TRPC7: variants seen among roughly 807,000 people sequenced by gnomAD.
The protein encoded by TRPC7 is transient receptor potential cation channel subfamily C member 7, also known as short transient receptor potential channel 7.
TRPC7 carries 42 observed loss-of-function variants against 90.1 expected under a neutral mutation model. That is an observed-to-expected ratio of 0.47 (90% CI 0.36 to 0.60). The LOEUF (loss-of-function observed/expected upper bound fraction) is 0.60, where lower values mean the gene tolerates loss of function less well. Among genes scored for constraint, TRPC7 ranks in the 20% least tolerant of loss-of-function variants. The pLI is 0.00. For synonymous variants in TRPC7, 451 were observed against 436.3 expected (o/e 1.03, Z -0.42); for missense variants, 955 against 1,112.3 (o/e 0.86, Z 2.01).
At chr5:136,360,970 G>C (rs1340715680) in intron 1 of TRPC7, among the ~76,000 whole-genome samples, 12 of 152,058 alleles carry the variant, frequency 7.9e-5, no homozygotes, top group Non-Finnish European at 1.5e-5. Flanking sequence ...TGATATCACA[G>C]ATATTCATGT....
intron 3 of TRPC7, among the ~76,000 whole-genome samples, chr5:136,289,932 T>C (rs940988138): frequency 6.6e-6 from 1 of 152,176 alleles, no homozygotes; most frequent in Non-Finnish European, 1.5e-5. Context: ...CAGGTACTCC[T>C]CTGAGACAAA....
chr5:136,331,415 G>T (rs1007866387), intron 2 of TRPC7, among the ~76,000 whole-genome samples: 28 of 152,108 alleles, frequency 1.8e-4, no homozygotes, highest in African/African-American at 6.5e-4. Flanking sequence ...AGTGAGGCAG[G>T]CATGGTCTTG....
At chr5:136,215,260 C>G (rs1755226993) in intron 11 of TRPC7, among the ~76,000 whole-genome samples, 1 of 152,142 alleles carries the variant, frequency 6.6e-6, no homozygotes, top group Admixed American at 6.5e-5. Flanking sequence ...GAATGAAGTA[C>G]AGCATTGGAA....
At chr5:136,292,716 C>T (rs1246579597) in intron 3 of TRPC7, among the ~76,000 whole-genome samples, 3 of 152,112 alleles carry the variant, frequency 2.0e-5, no homozygotes, top group African/African-American at 7.2e-5. Context: ...ACCAGAGGTA[C>T]AAGGAGGAGC....
At chr5:136,284,468 T>C (rs1407502021) in intron 3 of TRPC7, among the ~76,000 whole-genome samples, 1 of 152,190 alleles carries the variant, frequency 6.6e-6, no homozygotes, top group South Asian at 2.1e-4. Flanking sequence ...CCACTGGATA[T>C]TGTGATATAT....
chr5:136,347,429 T>C (rs1295314420), intron 2 of TRPC7, among the ~76,000 whole-genome samples: 1 of 152,220 alleles, frequency 6.6e-6, no homozygotes, highest in East Asian at 1.9e-4. Context: ...TTATTTATGC[T>C]AAAATGAGCT....
chr5:136,345,550 G>C (rs1759979394), intron 2 of TRPC7, among the ~76,000 whole-genome samples: 2 of 151,906 alleles, frequency 1.3e-5, no homozygotes, highest in Non-Finnish European at 2.9e-5. Flanking sequence ...GACAGAGCGA[G>C]ACTCCGCCTC....
intron 11 of TRPC7, among the ~76,000 whole-genome samples, chr5:136,215,273 C>A (rs1755227130): frequency 6.6e-6 from 1 of 152,184 alleles, no homozygotes; most frequent in Non-Finnish European, 1.5e-5. Flanking sequence ...CATTGGAATT[C>A]TGAACCATCC....
chr5:136,259,581 T>C (rs548820952), intron 5 of TRPC7, among the ~76,000 whole-genome samples: 7 of 152,350 alleles, frequency 4.6e-5, no homozygotes, highest in African/African-American at 1.7e-4. Context: ...CTACTAGCAT[T>C]ATTACACAGT....
At chr5:136,289,952 G>A (rs1003528213) in intron 3 of TRPC7, among the ~76,000 whole-genome samples, 10 of 152,192 alleles carry the variant, frequency 6.6e-5, no homozygotes, top group African/African-American at 2.4e-4. Context: ...AACTTCCAGA[G>A]GAATGATCAG....
At chr5:136,353,426 AC>A (rs1483490199) in intron 2 of TRPC7, among the ~76,000 whole-genome samples, 1 of 152,200 alleles carries the variant, frequency 6.6e-6, no homozygotes, top group African/African-American at 2.4e-5. Flanking sequence ...ATAGTTTTTT[AC>A]ACAACTGATG....
chr5:136,291,491 C>G (rs535067328), intron 3 of TRPC7, among the ~76,000 whole-genome samples: 1 of 152,136 alleles, frequency 6.6e-6, no homozygotes, highest in South Asian at 2.1e-4. Flanking sequence ...GGATTGCAAT[C>G]CTAGTCTCTG....
At chr5:136,285,954 A>C (rs1249238719) in intron 3 of TRPC7, among the ~76,000 whole-genome samples, 1 of 152,176 alleles carries the variant, frequency 6.6e-6, no homozygotes, top group African/African-American at 2.4e-5. Flanking sequence ...CTGCTTTCTT[A>C]TATCACTTGG....
chr5:136,224,903 C>T (rs541879304), intron 10 of TRPC7, among the ~76,000 whole-genome samples: 1 of 152,312 alleles, frequency 6.6e-6, no homozygotes, highest in Non-Finnish European at 1.5e-5. Flanking sequence ...TGACTGTTCT[C>T]TCCTTGAAGA....
In TRPC7 at chr5:136,225,293, C is replaced by T; in HGVS notation, c.2324G>A (p.Ser775Asn). The change falls in exon 10 of 12, where the codon AGC (serine) becomes AAC (asparagine). Residue 775 changes from serine (S) to asparagine (N), a missense_variant. Ser to Asn is a conservative substitution (Grantham distance 46, BLOSUM62 1). Transcript: ENST00000513104. ...GGTTACCTGGTATCTGGTGGGCTTGCTCAAAGTGTTATTTGCTGTCAGATT... is the reference window on the plus strand; with the variant it reads ...GGTTACCTGGTATCTGGTGGGCTTGTTCAAAGTGTTATTTGCTGTCAGATT... ...SENLTANNTLSKPTRYQKIMK... is the reference protein window; with the variant it reads ...SENLTANNTLNKPTRYQKIMK... 3 of 1,613,152 alleles carry T rather than the reference C, an allele frequency of 1.9e-6. No individual in the cohort carries two copies. Among genetic ancestry groups the T allele is most frequent in the Non-Finnish European group, 2.5e-6 (3 of 1,179,678 alleles).
At chr5:136,216,056 A>C in intron 11 of TRPC7, 144 bp downstream of exon 11, 1 of 682,284 alleles carries the variant, frequency 1.5e-6, no homozygotes. Context: ...TCTGCCGACA[A>C]CTGAATGAGC....
intron 3 of TRPC7, among the ~76,000 whole-genome samples, chr5:136,294,482 T>C (rs1004883694): frequency 2.6e-5 from 4 of 152,000 alleles, no homozygotes; most frequent in Non-Finnish European, 4.4e-5. Context: ...GGGCGAAGGA[T>C]ATGAACAGAC....
chr5:136,294,545 A>G (rs550308682), intron 3 of TRPC7, among the ~76,000 whole-genome samples: 3 of 152,144 alleles, frequency 2.0e-5, no homozygotes, highest in South Asian at 2.1e-4. Context: ...AAAAATGCTC[A>G]TCATCCCTGG....
chr5:136,218,061 A>G (rs1422156261), intron 10 of TRPC7, among the ~76,000 whole-genome samples: 1 of 145,862 alleles, frequency 6.9e-6, no homozygotes, highest in Non-Finnish European at 1.5e-5. Flanking sequence ...AATATAATAT[A>G]TAATATATAT....
Sources: gnomAD v4.1 joint callset for allele counts (sites outside exome capture counted in the v4.1 genomes callset) on GRCh38, gnomAD v4.1.1 for gene constraint, MANE v1.5 for transcripts, NCBI Gene and HGNC (gene_info 2026-07-23, HGNC 2026-07-21) for gene names.